TBC1D20: variants seen among roughly 807,000 people sequenced by gnomAD.
The protein encoded by TBC1D20 is chromosome 20 open reading frame 140.
Under a neutral mutation model 41.6 loss-of-function variants are expected in TBC1D20, and 12 were observed. The observed-to-expected ratio is 0.29, with a 90% CI of 0.18 to 0.47. The LOEUF is 0.47. Ranked by LOEUF, TBC1D20 falls within the 20% of genes least tolerant of loss-of-function variation. The pLI, the probability that TBC1D20 is intolerant of heterozygous loss-of-function variation, is 1.00. For missense variants in TBC1D20, 421 were observed against 517.4 expected (o/e 0.81, Z 1.81); for synonymous variants, 205 against 204.8 (o/e 1.00, Z -0.01).
In TBC1D20 at chr20:441,890, G is replaced by C. The variant is rs770483310; in HGVS notation, c.491C>G (p.Ser164Cys). ...GTGGGTAGATAATTTTTCTACCAGGGATGTTGCCAGCCTCTCGCCTACCAC... is the reference window on the plus strand; with the variant it reads ...GTGGGTAGATAATTTTTCTACCAGGCATGTTGCCAGCCTCTCGCCTACCAC... ...LLVVGERLAT[S>C]LVEKLSTHHL... Residue 164 changes from serine (S) to cysteine (C), a missense_variant, in exon 4 of 8, where the codon TCC becomes TGC. Coordinates refer to ENST00000354200, the MANE Select transcript of TBC1D20 (RefSeq NM_144628.4). 3.3e-5 allele frequency: 54 copies of C among 1,613,948 alleles called. No homozygotes were observed. The highest frequency in any genetic ancestry group is 4.5e-5 in the Non-Finnish European group (53 of 1,180,006).
In TBC1D20 at chr20:438,738, G is replaced by C. The variant is rs199505430; in HGVS notation, c.1060C>G (p.Arg354Gly). ...RFRGLLRPED[R>G]TKDVLTKPRT... ...GGCTTGGTCAGGACATCTTTTGTTC[G>C]ATCTTCAGGCCGCAGAAGTCCCCGA... Residue 354 changes from arginine (R) to glycine (G), a missense_variant, in exon 8 of 8, where the codon CGA (arginine) becomes GGA (glycine). Arg to Gly is a moderately radical substitution (Grantham distance 125, BLOSUM62 -2). This residue lies in a region of TBC1D20 where 161 missense variants were observed against 182.7 expected (regional missense o/e 0.88). Coordinates refer to ENST00000354200, the MANE Select transcript of TBC1D20 (RefSeq NM_144628.4). 58 of 1,614,042 alleles carry C rather than the reference G, an allele frequency of 3.6e-5. No homozygotes were observed. Among genetic ancestry groups the C allele is most frequent in the Non-Finnish European group, 4.7e-5 (56 of 1,180,040 alleles).
Position 454,220 on chromosome 20 carries a change from G to T in TBC1D20, c.71-6146C>A, listed in dbSNP as rs1481728112. 1.7e-4 allele frequency among the ~76,000 whole-genome samples: 24 copies of T among 142,978 alleles called. No individual in the cohort carries two copies. In the East Asian group the frequency reaches 4.0e-3, roughly 24 times the overall value. The allele number at this position is 142,978 out of a possible 152,430, so 93.8% of individuals were successfully genotyped here. On this transcript the variant is annotated intron_variant, in intron 1 of 7. Coordinates refer to ENST00000354200, the MANE Select transcript of TBC1D20 (RefSeq NM_144628.4). ...ATCACACCACTGCACTCTAGCCTGG[G>T]TGACAAGTTCTGTCTCAAAAAAAAA... is the stretch of plus-strand genomic sequence containing the variant.
chr20:451,169 A>G (rs1462032185), intron 1 of TBC1D20, among the ~76,000 whole-genome samples: 1 of 152,236 alleles, frequency 6.6e-6, no homozygotes, highest in African/African-American at 2.4e-5. Context: ...TGTACCTTAA[A>G]AAGGAAGAGG....
At chr20:442,705 G>A (rs1460696693) in intron 3 of TBC1D20, among the ~76,000 whole-genome samples, 1 of 152,160 alleles carries the variant, frequency 6.6e-6, no homozygotes, top group Non-Finnish European at 1.5e-5. Flanking sequence ...TGAAACACTT[G>A]GGGTAAAAAG....
intron 1 of TBC1D20, among the ~76,000 whole-genome samples, chr20:460,429 T>C (rs1300479564): frequency 8.0e-5 from 8 of 100,520 alleles, no homozygotes; most frequent in African/African-American, 2.7e-4. Flanking sequence ...CAAGATCCCA[T>C]CTCTCAAAAA....
intron 2 of TBC1D20, among the ~76,000 whole-genome samples, chr20:447,123 A>ATTTT (rs752849594): frequency 9.3e-6 from 1 of 107,278 alleles, no homozygotes; most frequent in African/African-American, 3.4e-5. Flanking sequence ...TAATGTTCGT[A>ATTTT]TTTTTTTTTT....
At chr20:448,408 C>T (rs1008203190) in intron 1 of TBC1D20, among the ~76,000 whole-genome samples, 2 of 151,986 alleles carry the variant, frequency 1.3e-5, no homozygotes, top group Admixed American at 6.6e-5. Context: ...GAGACAGTGT[C>T]GGCTGGGTGT....
Position 439,474 on chromosome 20 carries a change from C to G in TBC1D20, c.769-179G>C, listed in dbSNP as rs2017185553. On this transcript the variant is annotated intron_variant, in intron 6 of 7. Coordinates refer to ENST00000354200, the MANE Select transcript of TBC1D20 (RefSeq NM_144628.4). This position sits in a 1 kb window ranked among gnomAD's most constrained non-coding sequence, Gnocchi z 4.6. The stretch of plus-strand genomic sequence containing the variant: ...TAACATATATACGCTCAGTGCTACT[C>G]CTACTCTCTGGCCCTTCCTGCAAAC... Among the ~76,000 whole-genome samples the G allele has an allele frequency of 6.6e-6, 1 of 152,198 alleles. No individual in the cohort carries two copies. The highest frequency in any genetic ancestry group is 2.4e-5 in the African/African-American group (1 of 41,444).
intron 3 of TBC1D20, among the ~76,000 whole-genome samples, chr20:443,848 T>C (rs1401412141): frequency 3.3e-5 from 5 of 151,580 alleles, no homozygotes; most frequent in Admixed American, 1.3e-4. Flanking sequence ...TAGGAAAAAA[T>C]GGGGGTGGCT....
rs1395740768 is a variant in TBC1D20 at position 436,717 on chromosome 20, C to A, written c.*1869G>T. On this transcript the variant is annotated 3_prime_UTR_variant, in exon 8 of 8. Coordinates refer to ENST00000354200, the MANE Select transcript of TBC1D20 (RefSeq NM_144628.4). Reference sequence around the variant, plus strand: ...AGAATTTCCTTTGCCCTGATGAATACACCACTGTCTAAATTAATCCATCGA... The same window carrying A: ...AGAATTTCCTTTGCCCTGATGAATAAACCACTGTCTAAATTAATCCATCGA... 1.3e-5 allele frequency: 2 copies of A among 153,778 alleles called. No homozygotes were observed. The highest frequency in any genetic ancestry group is 4.8e-5 in the African/African-American group (2 of 41,446). 9.5% of individuals were successfully genotyped at this position (153,778 alleles called of 1,614,324 possible). A position where few individuals can be genotyped will look rare whatever the true frequency, so the allele number is the denominator to read the frequency against.
In TBC1D20 at chr20:437,257, TAG is replaced by T; in HGVS notation, c.*1327_*1328del. On this transcript the variant is annotated 3_prime_UTR_variant, in exon 8 of 8. Coordinates refer to ENST00000354200, the MANE Select transcript of TBC1D20 (RefSeq NM_144628.4). Reference sequence around the variant, plus strand: ...GCAAAGAGGACTGGATATGGTGGGGTAGAGTGCTTCTGGTGTGTTCACTTTAA... The same window carrying T: ...GCAAAGAGGACTGGATATGGTGGGGTAGTGCTTCTGGTGTGTTCACTTTAA... 1 of 152,638 alleles carries T rather than the reference TAG, an allele frequency of 6.6e-6. No homozygotes were observed. The highest frequency in any genetic ancestry group is 2.1e-4 in the South Asian group (1 of 4,830). The allele number at this position is 152,638 out of a possible 1,614,324, so 9.5% of individuals were successfully genotyped here.
In TBC1D20 at chr20:462,437, C is replaced by T. The variant is rs2017651913; in HGVS notation, c.-32G>A. On this transcript the variant is annotated 5_prime_UTR_variant, in exon 1 of 8. Coordinates refer to ENST00000354200, the MANE Select transcript of TBC1D20 (RefSeq NM_144628.4). The stretch of plus-strand genomic sequence containing the variant: ...GGGCCCCGGGCCCCCACCCGAGCCC[C>T]GGCTGGTGGCGGAGCCGGGAGAAGA... 8.5e-7 allele frequency: 1 copy of T among 1,171,652 alleles called. No homozygotes were observed. The highest frequency in any genetic ancestry group is 1.1e-6 in the Non-Finnish European group (1 of 935,204). 72.6% of individuals were successfully genotyped at this position (1,171,652 alleles called of 1,614,324 possible). A position where few individuals can be genotyped will look rare whatever the true frequency, so the allele number is the denominator to read the frequency against.
chr20:452,091 G>A (rs373295526), intron 1 of TBC1D20, among the ~76,000 whole-genome samples: 1 of 151,710 alleles, frequency 6.6e-6, no homozygotes, highest in African/African-American at 2.4e-5. Flanking sequence ...GGCAGATCAC[G>A]AGGTCAGGTG....
At chr20:459,518 G>A (rs78039881) in intron 1 of TBC1D20, among the ~76,000 whole-genome samples, 4 of 152,276 alleles carry the variant, frequency 2.6e-5, no homozygotes, top group East Asian at 1.9e-4. Flanking sequence ...ACGAATGACC[G>A]TCCTACAGCT....
At position 438,803 on chromosome 20, in the gene TBC1D20, G is replaced by A; in HGVS notation, c.995C>T (p.Ser332Leu). 6.2e-7 allele frequency: 1 copy of A among 1,614,232 alleles called. No individual in the cohort carries two copies. The highest frequency in any genetic ancestry group is 8.5e-7 in the Non-Finnish European group (1 of 1,180,022). The change falls in exon 8 of 8, where the codon TCA becomes TTA. Residue 332 changes from serine (S) to leucine (L), a missense_variant. By Grantham distance (145) the Ser-to-Leu change is moderately radical. Coordinates refer to ENST00000354200, the MANE Select transcript of TBC1D20 (RefSeq NM_144628.4). ...ASTFKDFELA[S>L]AQQRPDMVLR... is the part of the protein sequence containing the mutation. ...CACCATATCAGGCCTCTGCTGGGCTGATGCCAGCTCAAAGTCTTTGAAAGT... is the reference window on the plus strand; with the variant it reads ...CACCATATCAGGCCTCTGCTGGGCTAATGCCAGCTCAAAGTCTTTGAAAGT...
intron 1 of TBC1D20, among the ~76,000 whole-genome samples, chr20:458,330 TAGAGACAGGGTCTTACTC>T (rs1381845094): frequency 2.7e-5 from 4 of 147,370 alleles, no homozygotes; most frequent in Non-Finnish European, 3.0e-5. Flanking sequence ...TTTTTTTTTT[TAGAGACAGGGTCTTACTC>T]TGTCACCCAG....
intron 2 of TBC1D20, 55 bp from the exon 3 acceptor site, chr20:445,185 G>A (rs2017309859): frequency 7.3e-7 from 1 of 1,374,798 alleles, no homozygotes; most frequent in Non-Finnish European, 1.0e-6. Flanking sequence ...CAGACCAGAA[G>A]CAAAACATTC....
rs756536965 is a variant in TBC1D20 at position 438,858 on chromosome 20, CGGAAGGAAGGAAGT to C, written c.957-31_957-18del. ...GCTGCCGTCCTGCAGGGGAAAGAGA[CGGAAGGAAGGAAGT>C]GGTATGAAAGAGGAGGAGGAAAGCA... On this transcript the variant is annotated intron_variant, in intron 7 of 7. Coordinates refer to ENST00000354200, the MANE Select transcript of TBC1D20 (RefSeq NM_144628.4). The C allele has an allele frequency of 6.2e-7, 1 of 1,609,628 alleles. No homozygotes were observed. The highest frequency in any genetic ancestry group is 1.3e-5 in the African/African-American group (1 of 74,756).
intron 5 of TBC1D20, 54 bp downstream of exon 5, chr20:441,534 G>T (rs892169286): frequency 2.2e-5 from 31 of 1,415,086 alleles, no homozygotes; most frequent in Non-Finnish European, 2.9e-5. Flanking sequence ...TTTCAGGTGT[G>T]GGGGGGTGTG....
Sources: allele counts gnomAD v4.1 joint callset (sites outside exome capture counted in the v4.1 genomes callset), GRCh38; gene constraint gnomAD v4.1.1; regional missense constraint gnomAD v4.1.1; non-coding constraint Gnocchi (gnomAD v3.1); transcripts MANE v1.5; gene names NCBI Gene and HGNC (gene_info 2026-07-23, HGNC 2026-07-21).